The following COMMD4 variants were observed in gnomAD, a reference collection of about 807,000 sequenced individuals.
COMMD4 encodes the protein COMM domain-containing protein 4.
Under a neutral mutation model 27.5 loss-of-function variants are expected in COMMD4, and 18 were observed. The ratio of observed to expected loss-of-function variants is 0.65; its 90% CI spans 0.45 to 0.97. The LOEUF (loss-of-function observed/expected upper bound fraction) is 0.97. COMMD4 is among the 50% of genes least tolerant of loss of function. The pLI, the probability that COMMD4 is intolerant of heterozygous loss-of-function variation, is 0.00. For synonymous variants in COMMD4, 108 were observed against 108.4 expected (o/e 1.00, Z 0.02); for missense variants, 243 against 250.0 (o/e 0.97, Z 0.19).
At chr15:75,338,807 G>C (rs1308997465) in intron 4 of COMMD4, 122 bp downstream of exon 4, 1 of 1,407,832 alleles carries the variant, frequency 7.1e-7, no homozygotes, top group East Asian at 2.4e-5. Context: ...TAGTGGAGGA[G>C]CATGAGGGAA....
rs182080358 is a variant in COMMD4 at position 75,336,066 on chromosome 15, C to A, written c.-24C>A. On this transcript the variant is annotated 5_prime_UTR_variant, in exon 1 of 8. Coordinates refer to ENST00000267935, the MANE Select transcript of COMMD4 (RefSeq NM_017828.5). ...CCCTGCGGGACCGGAAAAAGAAATTCCCGGGCCCTGGCTTCTTGGCGCGAT... is the reference window on the plus strand; with the variant it reads ...CCCTGCGGGACCGGAAAAAGAAATTACCGGGCCCTGGCTTCTTGGCGCGAT... The A allele has an allele frequency of 5.2e-6, 8 of 1,549,558 alleles. No homozygotes were observed. In the African/African-American group the frequency reaches 9.6e-5, roughly 19 times the overall value.
rs747627010 is a variant in COMMD4 at position 75,338,230 on chromosome 15, C to A, written c.75+97C>A. The A allele has an allele frequency of 2.7e-6, 4 of 1,499,646 alleles. No individual in the cohort carries two copies. The African/African-American group carries it at 5.5e-5, about 21-fold the overall frequency. 92.9% of individuals were successfully genotyped at this position (1,499,646 alleles called of 1,614,324 possible). ...TGAGGTTTCTCTGGGGCTAGGGCCT[C>A]AGTGCTCTCAGCCTGTGCTACCATG... On this transcript the variant is annotated intron_variant, in intron 2 of 7. Transcript: ENST00000267935.
At position 75,339,269 on chromosome 15, in the gene COMMD4, G is replaced by A. The variant is rs575280335; in HGVS notation, c.307G>A (p.Ala103Thr). Residue 103 changes from alanine to threonine, a missense_variant, in exon 6 of 8, where the codon GCG (alanine) becomes ACG (threonine). Transcript: ENST00000267935. Reference protein sequence around the residue: ...LQQLGLPKEHAASLCRCYEEK... With the variant: ...LQQLGLPKEHTASLCRCYEEK... ...CTACTCCATTCTACCCCCAGAGCAC[G>A]CGGCCAGCCTGTGCCGCTGTTATGA... The A allele has an allele frequency of 1.6e-5, 25 of 1,612,102 alleles. 1 individual carries two copies. The highest frequency in any genetic ancestry group is 1.5e-4 in the Admixed American group (9 of 60,008).
chr15:75,343,132 C>G (rs1176519896), downstream of COMMD4: 1 of 152,124 alleles, frequency 6.6e-6, no homozygotes, highest in African/African-American at 2.4e-5. Context: ...TTTGATCATT[C>G]CACAATATAT....
rs77084066 is a variant in COMMD4 at position 75,336,343 on chromosome 15, A to G, written c.3+251A>G. ...TCCCGGTGCTTCCCTGGCGGAAGGA[A>G]GGGCCCCTGCCTCCCGGGGCAGGAA... is the stretch of plus-strand genomic sequence containing the variant. On this transcript the variant is annotated intron_variant, in intron 1 of 7. Coordinates refer to ENST00000267935, the MANE Select transcript of COMMD4 (RefSeq NM_017828.5). The G allele has an allele frequency of 4.7e-3, 6,260 of 1,320,420 alleles. 193 individuals are homozygous for G. The East Asian group carries it at 0.093, about 20-fold the overall frequency. The allele number at this position is 1,320,420 out of a possible 1,614,324, so 81.8% of individuals were successfully genotyped here. A position where few individuals can be genotyped will look rare whatever the true frequency, so the allele number is the denominator to read the frequency against.
Position 75,340,106 on chromosome 15 carries a change from G to A in COMMD4, c.*101G>A. 7.1e-7 allele frequency: 1 copy of A among 1,413,460 alleles called. No homozygotes were observed. The highest frequency in any genetic ancestry group is 1.3e-5 in the South Asian group (1 of 79,600). The allele number at this position is 1,413,460 out of a possible 1,614,324, so 87.6% of individuals were successfully genotyped here. On this transcript the variant is annotated 3_prime_UTR_variant, in exon 8 of 8. Transcript: ENST00000267935. ...GGCAGCCCTGGTTCTAGGATGCTGA[G>A]GCCCTGGCCCGGACTCTGGCCTCCC... is the stretch of plus-strand genomic sequence containing the variant.
chr15:75,339,410 G>T, intron 6 of COMMD4, 66 bp downstream of exon 6: 1 of 1,573,278 alleles, frequency 6.4e-7, no homozygotes, highest in African/African-American at 1.4e-5. Context: ...CAAAGTGCAT[G>T]GAGAGTCCAG....
At chr15:75,339,679 G>C in intron 6 of COMMD4, 23 bp from the exon 7 acceptor site, 1 of 1,557,052 alleles carries the variant, frequency 6.4e-7, no homozygotes, top group African/African-American at 1.4e-5. Context: ...TTGATCCTGA[G>C]AGCCACCCAC....
intron 1 of COMMD4, 185 bp downstream of exon 1, chr15:75,336,277 G>A (rs527848455): frequency 6.7e-7 from 1 of 1,494,708 alleles, no homozygotes; most frequent in Non-Finnish European, 8.9e-7. Flanking sequence ...GGGGGCGGGG[G>A]TACGGGGCGG....
In COMMD4 at chr15:75,338,973, C is replaced by T. The variant is rs376664753; in HGVS notation, c.182-12C>T. The T allele has an allele frequency of 2.9e-5, 47 of 1,613,926 alleles. No individual in the cohort carries two copies. The highest frequency in any genetic ancestry group is 2.2e-4 in the Admixed American group (13 of 60,026). On this transcript the variant is annotated splice_polypyrimidine_tract_variant and intron_variant, in intron 4 of 7. Transcript: ENST00000267935. The stretch of plus-strand genomic sequence containing the variant: ...ACAGTGACACCCCCTGCCCCACCCA[C>T]GGGTCCCTCAGAGTCAGGCGATGTG...
downstream of COMMD4, chr15:75,342,846 TCTCA>T (rs763739837): frequency 6.6e-6 from 1 of 152,096 alleles, no homozygotes; most frequent in Non-Finnish European, 1.5e-5. Context: ...TGAGACAGAG[TCTCA>T]CTCTGTTGCC....
chr15:75,341,023 G>A (rs1024698795), downstream of COMMD4: 1 of 152,258 alleles, frequency 6.6e-6, no homozygotes, highest in Non-Finnish European at 1.5e-5. Context: ...GTTATGGACT[G>A]AATGTTCATG....
At position 75,339,260 on chromosome 15, in the gene COMMD4, C is replaced by G. The variant is rs1337988077; in HGVS notation, c.302-4C>G. Reference sequence around the variant, plus strand: ...CCTCCAGAGCTACTCCATTCTACCCCCAGAGCACGCGGCCAGCCTGTGCCG... The same window carrying G: ...CCTCCAGAGCTACTCCATTCTACCCGCAGAGCACGCGGCCAGCCTGTGCCG... On this transcript the variant is annotated splice_polypyrimidine_tract_variant and splice_region_variant and intron_variant, in intron 5 of 7. Transcript: ENST00000267935. 3.7e-6 allele frequency: 6 copies of G among 1,612,108 alleles called. No individual in the cohort carries two copies. In the African/African-American group the frequency reaches 6.7e-5, roughly 18 times the overall value.
downstream of COMMD4, chr15:75,342,817 T>G (rs1310795323): frequency 6.6e-6 from 1 of 152,180 alleles, no homozygotes; most frequent in Non-Finnish European, 1.5e-5. Context: ...TTGATCTTTT[T>G]TTGTGTTTTT....
At chr15:75,336,188 C>G (rs1456621232) in intron 1 of COMMD4, 96 bp downstream of exon 1, 1 of 1,549,094 alleles carries the variant, frequency 6.5e-7, no homozygotes, top group Admixed American at 2.0e-5. Context: ...GTACTGGCCT[C>G]TCCGCAAACA....
chr15:75,342,114 T>A (rs556622294), downstream of COMMD4: 1 of 144,844 alleles, frequency 6.9e-6, no homozygotes, highest in African/African-American at 2.5e-5. Context: ...ATACACACAT[T>A]GGAATATTTT....
intron 1 of COMMD4, chr15:75,336,295 A>G (rs764979677): frequency 6.9e-7 from 1 of 1,446,854 alleles, no homozygotes; most frequent in Non-Finnish European, 9.1e-7. Flanking sequence ...CGGGTAAGAC[A>G]GAGCAGGCCG....
chr15:75,342,802 C>T (rs1272034717), downstream of COMMD4: 1 of 152,084 alleles, frequency 6.6e-6, no homozygotes, highest in Non-Finnish European at 1.5e-5. Flanking sequence ...CCTAATTAGC[C>T]TGATTTGATC....
At chr15:75,337,254 A>AT (rs1360181069) in intron 1 of COMMD4, 1 of 151,248 alleles carries the variant, frequency 6.6e-6, no homozygotes, top group Non-Finnish European at 1.5e-5. Context: ...TTATTTTTTT[A>AT]TTTTTTAAAA....
Sources: allele counts gnomAD v4.1 joint callset, GRCh38; gene constraint gnomAD v4.1.1; transcripts MANE v1.5; gene names NCBI Gene and HGNC (gene_info 2026-07-23, HGNC 2026-07-21).